APBB1IP: variants seen among roughly 807,000 people sequenced by gnomAD.
APBB1IP encodes amyloid beta precursor protein binding family B member 1 interacting protein.
Under a neutral mutation model 64.9 loss-of-function variants are expected in APBB1IP, and 27 were observed. The ratio of observed to expected loss-of-function variants is 0.42; its 90% CI spans 0.31 to 0.57. APBB1IP has a LOEUF of 0.57. APBB1IP is among the 20% of genes least tolerant of loss of function. The probability of loss-of-function intolerance (pLI) is 0.20; values close to 1 mark genes in which losing one functional copy is unlikely to be tolerated. For synonymous variants in APBB1IP, 392 were observed against 331.0 expected, an observed-to-expected ratio of 1.18 and a Z score of -2.00; for missense variants, 812 against 845.5, an observed-to-expected ratio of 0.96 and a Z score of 0.49.
At chr10:26,489,409 G>A (rs1388767221) in intron 2 of APBB1IP, among the ~76,000 whole-genome samples, 2 of 152,114 alleles carry the variant, frequency 1.3e-5, no homozygotes, top group South Asian at 4.1e-4. Flanking sequence ...ATATACGATG[G>A]AAAAATTAAG....
chr10:26,552,752 A>C (rs1836847476), intron 11 of APBB1IP, among the ~76,000 whole-genome samples: 1 of 152,142 alleles, frequency 6.6e-6, no homozygotes, highest in Non-Finnish European at 1.5e-5. Flanking sequence ...CTGACTCTCC[A>C]TCTCAGAGGA....
chr10:26,567,075 G>C lies in APBB1IP; in HGVS notation c.1588G>C (p.Gly530Arg). 2.7e-6 allele frequency: 4 copies of C among 1,483,600 alleles called. No individual in the cohort carries two copies. The highest frequency in any genetic ancestry group is 3.5e-6 in the Non-Finnish European group (4 of 1,130,690). 91.9% of individuals were successfully genotyped at this position (1,483,600 alleles called of 1,614,324 possible). ...GGTGCGGAGGTCCTCCGACACCAGCGGCAGTCCCGCCACGCCCCTCAAGGC... is the reference window on the plus strand; with the variant it reads ...GGTGCGGAGGTCCTCCGACACCAGCCGCAGTCCCGCCACGCCCCTCAAGGC... Reference protein sequence around the residue: ...PPVRRSSDTSGSPATPLKAKG... With the variant: ...PPVRRSSDTSRSPATPLKAKG... Residue 530 changes from glycine to arginine, a missense_variant, in exon 15 of 15, where the codon GGC becomes CGC. Physicochemically the swap from Gly to Arg is moderately radical, Grantham distance 125. Transcript: ENST00000376236.
chr10:26,556,699 T>A (rs1436937013), intron 11 of APBB1IP, among the ~76,000 whole-genome samples: 1 of 152,230 alleles, frequency 6.6e-6, no homozygotes, highest in Non-Finnish European at 1.5e-5. Flanking sequence ...TGAGATTTAG[T>A]CTGCTCTGGA....
intron 2 of APBB1IP, among the ~76,000 whole-genome samples, chr10:26,447,936 GT>G (rs1357373060): frequency 1.3e-5 from 2 of 151,994 alleles, no homozygotes; most frequent in African/African-American, 4.8e-5. Flanking sequence ...GTGCCCAACT[GT>G]GATGTTAATT....
In APBB1IP at chr10:26,469,315, A is replaced by G. The variant is rs966692340; in HGVS notation, c.1-23012A>G. 2.4e-5 allele frequency among the ~76,000 whole-genome samples: 3 copies of G among 127,172 alleles called. No homozygotes were observed. In the Admixed American group the frequency reaches 2.8e-4, roughly 12 times the overall value. The allele number at this position is 127,172 out of a possible 152,430, so 83.4% of individuals were successfully genotyped here. On this transcript the variant is annotated intron_variant, in intron 2 of 14. Transcript: ENST00000376236. ...TGCTCTGTTGCTCAGGCTGGAGTGC[A>G]GTGGAGCGATCTCAGCTCACTGCAA...
chr10:26,467,872 C>G (rs1439434813), intron 2 of APBB1IP, among the ~76,000 whole-genome samples: 1 of 152,174 alleles, frequency 6.6e-6, no homozygotes, highest in Non-Finnish European at 1.5e-5. Context: ...CCTGCAAGAG[C>G]TTTTAAGTGT....
At chr10:26,561,000 C>T (rs1486354396) in intron 13 of APBB1IP, among the ~76,000 whole-genome samples, 156 bp downstream of exon 13, 4 of 151,580 alleles carry the variant, frequency 2.6e-5, no homozygotes, top group Admixed American at 6.6e-5. Context: ...CTCAGCCCAG[C>T]CCTCACACAC....
chr10:26,513,781 G>A (rs1836291011), intron 8 of APBB1IP, 121 bp downstream of exon 8: 1 of 1,223,104 alleles, frequency 8.2e-7, no homozygotes, highest in African/African-American at 1.6e-5. Context: ...CTCGAAGGCT[G>A]GAGTGCAGTG....
intron 2 of APBB1IP, among the ~76,000 whole-genome samples, chr10:26,486,606 C>T (rs994159220): frequency 1.8e-4 from 28 of 152,036 alleles, no homozygotes; most frequent in African/African-American, 5.8e-4. Flanking sequence ...CAATAAAGGC[C>T]GCCCTCATCC....
intron 2 of APBB1IP, among the ~76,000 whole-genome samples, chr10:26,488,700 T>G (rs1465003010): frequency 6.6e-6 from 1 of 152,242 alleles, no homozygotes; most frequent in Non-Finnish European, 1.5e-5. Flanking sequence ...AACACTTTTT[T>G]AATCCCAACA....
At chr10:26,456,195 A>G (rs1017704813) in intron 2 of APBB1IP, among the ~76,000 whole-genome samples, 1 of 152,212 alleles carries the variant, frequency 6.6e-6, no homozygotes, top group African/African-American at 2.4e-5. Context: ...ATATGCCAGA[A>G]CCATTGAATT....
chr10:26,533,891 G>C (rs1836585580), intron 9 of APBB1IP, among the ~76,000 whole-genome samples: 2 of 151,982 alleles, frequency 1.3e-5, no homozygotes, highest in Admixed American at 1.3e-4. Context: ...AGACGTGGTA[G>C]GAAGTGTGAG....
chr10:26,541,862 GCCT>G, intron 11 of APBB1IP, 170 bp downstream of exon 11: 1 of 512,734 alleles, frequency 2.0e-6, no homozygotes, highest in East Asian at 3.5e-5. Flanking sequence ...TTTCCCCAAA[GCCT>G]CCTATCTGAA....
At chr10:26,465,396 A>G (rs1835636786) in intron 2 of APBB1IP, among the ~76,000 whole-genome samples, 1 of 152,086 alleles carries the variant, frequency 6.6e-6, no homozygotes, top group Admixed American at 6.6e-5. Flanking sequence ...ACAAATTTCT[A>G]TTTTTTTCGT....
At position 26,463,327 on chromosome 10, in the gene APBB1IP, C is replaced by T. The variant is rs1266166152; in HGVS notation, c.-1+24474C>T. Among the ~76,000 whole-genome samples the T allele has an allele frequency of 2.0e-5, 3 of 152,156 alleles. No individual in the cohort carries two copies. In the East Asian group the frequency reaches 5.8e-4, roughly 29 times the overall value. On this transcript the variant is annotated intron_variant, in intron 2 of 14. Coordinates refer to ENST00000376236, the MANE Select transcript of APBB1IP (RefSeq NM_019043.4). ...TAGTGTCACACACTTGTAGTCCTAG[C>T]TACTCAGGAGGCTAAGGCGAGAGAA...
chr10:26,554,938 C>T (rs894619178), intron 11 of APBB1IP, among the ~76,000 whole-genome samples: 3 of 152,068 alleles, frequency 2.0e-5, no homozygotes, highest in Non-Finnish European at 2.9e-5. Flanking sequence ...TTCATCTTAA[C>T]TTTATTACAT....
chr10:26,469,448 A>G (rs1835690357), intron 2 of APBB1IP, among the ~76,000 whole-genome samples: 1 of 151,618 alleles, frequency 6.6e-6, no homozygotes, highest in African/African-American at 2.4e-5. Flanking sequence ...ACTGGGTTTC[A>G]CCATGCTGGC....
chr10:26,528,033 C>A (rs899179183), intron 8 of APBB1IP, among the ~76,000 whole-genome samples: 4 of 152,128 alleles, frequency 2.6e-5, no homozygotes, highest in African/African-American at 9.7e-5. Context: ...AGAACTCTGA[C>A]ATATTCTTCC....
Position 26,465,995 on chromosome 10 carries a change from G to A in APBB1IP, c.1-26332G>A, listed in dbSNP as rs149893552. On this transcript the variant is annotated intron_variant, in intron 2 of 14. Transcript: ENST00000376236. ...GCAGGTTCTGTGGGTCAGGAATTCC[G>A]ACAGTCCACAGCAGGGCTAGCTTGT... Among the ~76,000 whole-genome samples, 35 of 152,288 alleles carry A rather than the reference G, an allele frequency of 2.3e-4. No homozygotes were observed. The East Asian group carries it at 5.6e-3, about 24-fold the overall frequency.
Sources: allele counts gnomAD v4.1 joint callset (sites outside exome capture counted in the v4.1 genomes callset), GRCh38; gene constraint gnomAD v4.1.1; transcripts MANE v1.5; gene names NCBI Gene and HGNC (gene_info 2026-07-23, HGNC 2026-07-21).